The following ABCC5 variants were observed in gnomAD, a reference collection of about 807,000 sequenced individuals.
ABCC5 encodes the protein ATP-binding cassette sub-family C member 5.
In ABCC5, 61 loss-of-function variants were observed where a neutral mutation model predicts 160.9. That is an observed-to-expected ratio of 0.38 (90% CI 0.31 to 0.47). ABCC5 has a LOEUF of 0.47. Ranked by LOEUF, ABCC5 falls within the 20% of genes least tolerant of loss-of-function variation. The probability of loss-of-function intolerance (pLI) is 0.99; values close to 1 mark genes in which losing one functional copy is unlikely to be tolerated. For synonymous variants in ABCC5, 666 were observed against 700.6 expected, an observed-to-expected ratio of 0.95 and a Z score of 0.78; for missense variants, 1,308 against 1,813.3, an observed-to-expected ratio of 0.72 and a Z score of 5.06.
intron 15 of ABCC5, among the ~76,000 whole-genome samples, chr3:183,962,221 C>A (rs369306369): frequency 6.6e-6 from 1 of 152,222 alleles, no homozygotes; most frequent in South Asian, 2.1e-4. Flanking sequence ...TGGGCAAAAT[C>A]ATCTAACACA....
intron 2 of ABCC5, among the ~76,000 whole-genome samples, chr3:184,005,159 C>A (rs576172746): frequency 6.6e-6 from 1 of 152,146 alleles, no homozygotes; most frequent in Non-Finnish European, 1.5e-5. Flanking sequence ...CCAGCCCCAG[C>A]ATAGTCTGCC....
intron 2 of ABCC5, among the ~76,000 whole-genome samples, chr3:183,994,979 G>A (rs1233133664): frequency 1.3e-5 from 2 of 150,686 alleles, no homozygotes; most frequent in East Asian, 2.0e-4. Context: ...CACCTCCCAA[G>A]TAGCTGGGAC....
chr3:183,982,938 A>G lies in ABCC5; in HGVS notation c.661T>C (p.Leu221=). 1 of 1,614,224 alleles carries G rather than the reference A, an allele frequency of 6.2e-7. No homozygotes were observed. Among genetic ancestry groups the G allele is most frequent in the Non-Finnish European group, 8.5e-7 (1 of 1,180,038 alleles). Residue 221 remains leucine, a synonymous_variant, in exon 6 of 30, where the codon TTA becomes CTA. Transcript: ENST00000334444. The surrounding 1 kb of genome is among the most constrained non-coding windows in gnomAD (Gnocchi z 5.2). ...TCCGTCAGGAGGAGGCCCAGCACTAACAACAAGCTGTACTGCAGGTTAGAC... is the reference window on the plus strand; with the variant it reads ...TCCGTCAGGAGGAGGCCCAGCACTAGCAACAAGCTGTACTGCAGGTTAGAC... The part of the protein sequence containing the change: ...TESNLQYSLL[L]VLGLLLTEIV...
intron 2 of ABCC5, among the ~76,000 whole-genome samples, chr3:184,005,976 T>G (rs1430615431): frequency 6.6e-6 from 1 of 150,968 alleles, no homozygotes; most frequent in Non-Finnish European, 1.5e-5. Context: ...TTCCTTTAAC[T>G]CATGCCAACA....
Position 183,949,943 on chromosome 3 carries a change from C to T in ABCC5, c.3098+29G>A. ...CCAGCAACTGAGGCTTCTCCGTGGC[C>T]CCAGCAGACATGAACGCTTCCTATT... On this transcript the variant is annotated intron_variant, in intron 21 of 29. Coordinates refer to ENST00000334444, the MANE Select transcript of ABCC5 (RefSeq NM_005688.4). This position sits in a 1 kb window ranked among gnomAD's most constrained non-coding sequence, Gnocchi z 4.2. 1 of 1,613,974 alleles carries T rather than the reference C, an allele frequency of 6.2e-7. No individual in the cohort carries two copies. The highest frequency in any genetic ancestry group is 1.1e-5 in the South Asian group (1 of 91,062).
intron 2 of ABCC5, among the ~76,000 whole-genome samples, chr3:183,990,449 A>C (rs1236969425): frequency 6.6e-6 from 1 of 152,174 alleles, no homozygotes; most frequent in Non-Finnish European, 1.5e-5. Flanking sequence ...TTACATTTTT[A>C]TTACCAAATG....
At chr3:184,014,526 G>GAA (rs67088806) in intron 1 of ABCC5, 79 bp from the exon 2 acceptor site, 10,087 of 527,914 alleles carry the variant, frequency 0.019, 55 homozygotes, top group African/African-American at 0.048. Flanking sequence ...TTAAAAATAG[G>GAA]AAAAAAAAAA....
chr3:183,973,534 G>A (rs868730117), intron 10 of ABCC5, among the ~76,000 whole-genome samples: 4 of 152,092 alleles, frequency 2.6e-5, no homozygotes, highest in Middle Eastern at 3.2e-3. Flanking sequence ...CTTAAAGTTT[G>A]CAGGTGCTAT....
intron 1 of ABCC5, among the ~76,000 whole-genome samples, chr3:184,016,998 G>T (rs1200541920): frequency 1.3e-5 from 2 of 152,144 alleles, no homozygotes; most frequent in African/African-American, 2.4e-5. Context: ...AAAGGGATAC[G>T]TATTTACCAC....
chr3:183,987,789 A>G lies in ABCC5; in HGVS notation c.572T>C (p.Leu191Pro), dbSNP rs1560036889. ...ACTTACTGGTCCACTGAAGCCAGCCAGCTGCGTGATCATCAGGCACACGAT... is the reference window on the plus strand; with the variant it reads ...ACTTACTGGTCCACTGAAGCCAGCCGGCTGCGTGATCATCAGGCACACGAT... The part of the protein sequence containing the change: ...LSIVCLMITQ[L>P]AGFSGPAFMV... The change falls in exon 5 of 30, where the codon CTG becomes CCG. Residue 191 changes from leucine (L) to proline (P), a missense_variant. Physicochemically the swap from Leu to Pro is moderately conservative, Grantham distance 98. This residue lies in a region of ABCC5 where 1,142 missense variants were observed against 1,527.1 expected (regional missense o/e 0.75). Transcript: ENST00000334444. This position sits in a 1 kb window ranked among gnomAD's most constrained non-coding sequence, Gnocchi z 4.2. The G allele has an allele frequency of 6.2e-7, 1 of 1,614,212 alleles. No homozygotes were observed. The highest frequency in any genetic ancestry group is 8.5e-7 in the Non-Finnish European group (1 of 1,180,034).
rs1321696035 is a variant in ABCC5, at chr3:183,983,984, G to A, written c.592-977C>T. On this transcript the variant is annotated intron_variant, in intron 5 of 29. Coordinates refer to ENST00000334444, the MANE Select transcript of ABCC5 (RefSeq NM_005688.4). ...CCCATATCTGTTTCCAGAGTCCAAA[G>A]TAGTATATCAGGCTGACAGCACTCA... 3.0e-6 allele frequency: 3 copies of A among 985,304 alleles called. No homozygotes were observed. In the African/African-American group the frequency reaches 5.2e-5, roughly 17 times the overall value. The allele number at this position is 985,304 out of a possible 1,614,324, so 61.0% of individuals were successfully genotyped here.
chr3:183,998,758 C>A (rs1720488934), intron 2 of ABCC5, among the ~76,000 whole-genome samples: 1 of 152,138 alleles, frequency 6.6e-6, no homozygotes, highest in African/African-American at 2.4e-5. Context: ...ATAAATGGCT[C>A]TTCTCTCTTC....
At position 183,994,471 on chromosome 3, in the gene ABCC5, G is replaced by A. The variant is rs138542318; in HGVS notation, c.130-5088C>T. Among the ~76,000 whole-genome samples, 986 of 152,094 alleles carry A rather than the reference G, an allele frequency of 6.5e-3. 5 individuals carry two copies. Among genetic ancestry groups the A allele is most frequent in the African/African-American group, 0.023 (964 of 41,488 alleles). ...GGTCACTGCAACCTCCGCCTCCAGG[G>A]TTCAAGCAATTCTCCTGCCTCAGCC... is the stretch of plus-strand genomic sequence containing the variant. On this transcript the variant is annotated intron_variant, in intron 2 of 29. Transcript: ENST00000334444.
rs1216530163 is a variant in ABCC5 at position 183,987,455 on chromosome 3, G to C, written c.591+315C>G. 1.7e-6 allele frequency: 1 copy of C among 591,900 alleles called. No homozygotes were observed. The highest frequency in any genetic ancestry group is 3.0e-6 in the Non-Finnish European group (1 of 332,076). 36.7% of individuals were successfully genotyped at this position (591,900 alleles called of 1,614,324 possible). A position where few individuals can be genotyped will look rare whatever the true frequency, so the allele number is the denominator to read the frequency against. On this transcript the variant is annotated intron_variant, in intron 5 of 29. Transcript: ENST00000334444. This position sits in a 1 kb window ranked among gnomAD's most constrained non-coding sequence, Gnocchi z 4.2. Reference sequence around the variant, plus strand: ...CTCTCACCCACTCATAGCACTGCAAGACACATCTGCCTGCACCGACTGTCA... The same window carrying C: ...CTCTCACCCACTCATAGCACTGCAACACACATCTGCCTGCACCGACTGTCA...
chr3:183,970,145 T>TG (rs1717603248), intron 11 of ABCC5, among the ~76,000 whole-genome samples: 1 of 152,214 alleles, frequency 6.6e-6, no homozygotes, highest in African/African-American at 2.4e-5. Context: ...GGAGTAAAGC[T>TG]GAAGTCTCAC....
At chr3:183,940,461 G>GAAAAA (rs1714199873) in intron 25 of ABCC5, among the ~76,000 whole-genome samples, 1 of 35,542 alleles carries the variant, frequency 2.8e-5, no homozygotes, top group Non-Finnish European at 5.0e-5. Context: ...CTCTGTCTCA[G>GAAAAA]GAAAAAAAAA....
intron 8 of ABCC5, among the ~76,000 whole-genome samples, chr3:183,980,570 C>A (rs1309190646): frequency 6.6e-6 from 1 of 152,178 alleles, no homozygotes. Context: ...CTGCTGGGCA[C>A]CTCTTGAGTG....
chr3:183,955,554 T>C (rs1295572718), intron 17 of ABCC5, among the ~76,000 whole-genome samples: 1 of 152,272 alleles, frequency 6.6e-6, no homozygotes, highest in African/African-American at 2.4e-5. Context: ...GAGAAACAGC[T>C]ATACAGGAAG....
At chr3:183,950,156 G>A (rs1410954222) in intron 20 of ABCC5, 31 bp from the exon 21 acceptor site, 9 of 1,580,030 alleles carry the variant, frequency 5.7e-6, no homozygotes, top group African/African-American at 1.4e-5. Context: ...GCAAGTGTCA[G>A]ATGGTTTGGA....
Sources: gnomAD v4.1 joint callset for allele counts (sites outside exome capture counted in the v4.1 genomes callset) on GRCh38, gnomAD v4.1.1 for gene constraint, gnomAD v4.1.1 regional missense constraint, Gnocchi (gnomAD v3.1) non-coding constraint, MANE v1.5 for transcripts, NCBI Gene and HGNC (gene_info 2026-07-23, HGNC 2026-07-21) for gene names.